Variants in UBE2G2 observed in about 807,000 individuals in gnomAD.
The protein encoded by UBE2G2 is ubiquitin conjugating enzyme E2 G2, also known as ubiquitin-conjugating enzyme E2 G2.
A neutral mutation model predicts 23.0 loss-of-function variants in UBE2G2; 10 were observed. The ratio of observed to expected loss-of-function variants is 0.43; its 90% confidence interval spans 0.27 to 0.74. The LOEUF (loss-of-function observed/expected upper bound fraction) is 0.74. Ranked by LOEUF, UBE2G2 falls within the 30% of genes least tolerant of loss-of-function variation. UBE2G2 has a pLI of 0.19. For missense variants in UBE2G2, 150 were observed against 218.3 expected (o/e 0.69, Z 1.97); for synonymous variants, 86 against 81.3 (o/e 1.06, Z -0.31).
At chr21:44,795,802 C>A (rs917802194) in intron 1 of UBE2G2, among the ~76,000 whole-genome samples, 2 of 152,070 alleles carry the variant, frequency 1.3e-5, no homozygotes, top group African/African-American at 4.8e-5. Context: ...CCCATTATAA[C>A]CCTGGTTATT....
intron 1 of UBE2G2, among the ~76,000 whole-genome samples, chr21:44,797,803 C>T (rs1243284667): frequency 6.8e-6 from 1 of 146,582 alleles, no homozygotes; most frequent in African/African-American, 2.5e-5. Context: ...AAAACTAAAA[C>T]AGAGACACAA....
At position 44,801,048 on chromosome 21, in the gene UBE2G2, GGT is replaced by G. The variant is rs1243953201; in HGVS notation, c.43+656_43+657del. The G allele has an allele frequency of 2.6e-5, 4 of 152,770 alleles. No homozygotes were observed. The East Asian group carries it at 7.7e-4, about 29-fold the overall frequency. 9.5% of individuals were successfully genotyped at this position (152,770 alleles called of 1,614,324 possible). Reference sequence around the variant, plus strand: ...AGGCTCCTGGCGCTTTCAACACAATGGTATTCCAAGACTTCTCGCAGCAGTTC... The same window carrying G: ...AGGCTCCTGGCGCTTTCAACACAATGATTCCAAGACTTCTCGCAGCAGTTC... On this transcript the variant is annotated intron_variant, in intron 1 of 5. Transcript: ENST00000345496.
chr21:44,776,378 T>A lies in UBE2G2; in HGVS notation c.244+921A>T, dbSNP rs1054411807. ...TCTGAAAAAAGAATCACTTTTAACA[T>A]TTTTGTGCTTACTTTTCCAGTTATA... On this transcript the variant is annotated intron_variant, in intron 4 of 5. Coordinates refer to ENST00000345496, the MANE Select transcript of UBE2G2 (RefSeq NM_003343.6). Among the ~76,000 whole-genome samples the A allele has an allele frequency of 1.4e-4, 22 of 152,170 alleles. 1 individual carries two copies. Among genetic ancestry groups the A allele is most frequent in the Admixed American group, 1.3e-4 (2 of 15,280 alleles).
Position 44,801,408 on chromosome 21 carries a change from AAAG to A in UBE2G2, c.43+295_43+297del. 3 of 1,209,692 alleles carry A rather than the reference AAAG, an allele frequency of 2.5e-6. No homozygotes were observed. The South Asian group carries it at 9.5e-5, about 39-fold the overall frequency. The allele number at this position is 1,209,692 out of a possible 1,614,324, so 74.9% of individuals were successfully genotyped here. ...CTGCACGTTCTCAAGGCTGCCAAGA[AAAG>A]AAAAAATAGAAGAGAAAAAAACAAG... On this transcript the variant is annotated intron_variant, in intron 1 of 5. Coordinates refer to ENST00000345496, the MANE Select transcript of UBE2G2 (RefSeq NM_003343.6).
chr21:44,800,023 T>A (rs1161077740), intron 1 of UBE2G2: 1 of 152,208 alleles, frequency 6.6e-6, no homozygotes, highest in Non-Finnish European at 1.5e-5. Context: ...AGGACTACCA[T>A]CTTTTATGGG....
intron 3 of UBE2G2, among the ~76,000 whole-genome samples, chr21:44,780,200 C>T (rs1329245656): frequency 6.6e-6 from 1 of 152,206 alleles, no homozygotes; most frequent in Non-Finnish European, 1.5e-5. Flanking sequence ...CTCCGGTTTA[C>T]TACTGGTTTG....
chr21:44,797,463 T>A (rs2008604), intron 1 of UBE2G2, among the ~76,000 whole-genome samples: 11,356 of 152,246 alleles, frequency 0.075, 556 homozygotes, highest in South Asian at 0.1. Flanking sequence ...ACGCCTGTAA[T>A]CCCAGCACTT....
chr21:44,801,817 G>A lies in UBE2G2; in HGVS notation c.-69C>T. ...GCGTGCCTCCTGCCCCGACACCGGG[G>A]ACTGCTTCCGGGCCACCGTCGCGGG... is the stretch of plus-strand genomic sequence containing the variant. On this transcript the variant is annotated 5_prime_UTR_variant, in exon 1 of 6. Transcript: ENST00000345496. 1.4e-6 allele frequency: 2 copies of A among 1,480,508 alleles called. No individual in the cohort carries two copies. The highest frequency in any genetic ancestry group is 2.0e-4 in the Middle Eastern group (1 of 4,972). 91.7% of individuals were successfully genotyped at this position (1,480,508 alleles called of 1,614,324 possible). A position where few individuals can be genotyped will look rare whatever the true frequency, so the allele number is the denominator to read the frequency against.
chr21:44,779,963 T>C (rs2082943701), intron 3 of UBE2G2, among the ~76,000 whole-genome samples: 1 of 152,178 alleles, frequency 6.6e-6, no homozygotes, highest in Admixed American at 6.5e-5. Context: ...ACTCAATATT[T>C]CTGGCACCTC....
At position 44,794,315 on chromosome 21, in the gene UBE2G2, T is replaced by C. The variant is rs140557961; in HGVS notation, c.44-6220A>G. Among the ~76,000 whole-genome samples the C allele has an allele frequency of 6.6e-3, 1,005 of 152,284 alleles. 4 individuals carry two copies. The highest frequency in any genetic ancestry group is 0.014 in the South Asian group (66 of 4,824). ...CTGCCATTTACAAATAATTTACAAA[T>C]AAACCTTGGCCTTTATCTCATACCA... On this transcript the variant is annotated intron_variant, in intron 1 of 5. Coordinates refer to ENST00000345496, the MANE Select transcript of UBE2G2 (RefSeq NM_003343.6).
chr21:44,797,099 G>A (rs1372240132), intron 1 of UBE2G2, among the ~76,000 whole-genome samples: 1 of 152,176 alleles, frequency 6.6e-6, no homozygotes, highest in Non-Finnish European at 1.5e-5. Context: ...TGAATAACAA[G>A]GGCATGGGAA....
chr21:44,791,279 T>C (rs782455909), intron 1 of UBE2G2, among the ~76,000 whole-genome samples: 1 of 152,006 alleles, frequency 6.6e-6, no homozygotes, highest in East Asian at 1.9e-4. Flanking sequence ...GCCAAGACAA[T>C]GGGGTAAATG....
chr21:44,801,481 G>C (rs2146413043), intron 1 of UBE2G2: 1 of 1,117,980 alleles, frequency 8.9e-7, no homozygotes, highest in Middle Eastern at 3.3e-4. Flanking sequence ...ACACGGCGCC[G>C]GCGCTGCCTT....
chr21:44,788,281 T>TTG, intron 1 of UBE2G2, among the ~76,000 whole-genome samples, 186 bp from the exon 2 acceptor site: 1 of 124,314 alleles, frequency 8.0e-6, no homozygotes. Context: ...TACACAAAGT[T>TTG]TTTTTGTTTT....
At chr21:44,798,928 T>G (rs114454797) in intron 1 of UBE2G2, among the ~76,000 whole-genome samples, 21 of 152,326 alleles carry the variant, frequency 1.4e-4, no homozygotes, top group African/African-American at 5.1e-4. Context: ...TGAAATGTAT[T>G]TCTTAAATAA....
At chr21:44,777,536 GGTGGCTCACGCC>G (rs1390355253) in intron 3 of UBE2G2, 119 bp from the exon 4 acceptor site, 9 of 939,630 alleles carry the variant, frequency 9.6e-6, no homozygotes, top group Non-Finnish European at 1.5e-5. Flanking sequence ...GGCCGGGTGC[GGTGGCTCACGCC>G]TGTAATCCCA....
At chr21:44,774,711 G>C (rs115583635) in intron 4 of UBE2G2, 145 of 456,352 alleles carry the variant, frequency 3.2e-4, no homozygotes, top group African/African-American at 2.7e-3. Context: ...GAAACTAGAT[G>C]CATACTTGCC....
chr21:44,800,912 A>G (rs2083131004), intron 1 of UBE2G2: 1 of 148,124 alleles, frequency 6.8e-6, no homozygotes, highest in South Asian at 2.1e-4. Context: ...AGACAAGGAA[A>G]CTGCAGAGAC....
chr21:44,780,513 C>G (rs1460322562), intron 3 of UBE2G2, among the ~76,000 whole-genome samples: 2 of 152,184 alleles, frequency 1.3e-5, no homozygotes, highest in Non-Finnish European at 2.9e-5. Flanking sequence ...AATTATGCTG[C>G]CTTATTGATT....
Sources: allele counts gnomAD v4.1 joint callset (sites outside exome capture counted in the v4.1 genomes callset), GRCh38; gene constraint gnomAD v4.1.1; transcripts MANE v1.5; gene names NCBI Gene and HGNC (gene_info 2026-07-23, HGNC 2026-07-21).